Variants in SFMBT2 observed in about 807,000 individuals in gnomAD.
The protein encoded by SFMBT2 is Scm like with four mbt domains 2.
A neutral mutation model predicts 110.1 loss-of-function variants in SFMBT2; 38 were observed. The observed-to-expected ratio is 0.35, with a 90% CI of 0.27 to 0.45. The LOEUF (loss-of-function observed/expected upper bound fraction) is 0.45. Among genes scored for constraint, SFMBT2 ranks in the 20% least tolerant of loss-of-function variants. The pLI, the probability that SFMBT2 is intolerant of heterozygous loss-of-function variation, is 1.00. For missense variants in SFMBT2, 1,011 were observed against 1,094.9 expected (o/e 0.92, Z 1.08); for synonymous variants, 425 against 425.4 (o/e 1.00, Z 0.01).
chr10:7,336,191 C>T (rs7909734), intron 4 of SFMBT2, among the ~76,000 whole-genome samples: 31,270 of 152,134 alleles, frequency 0.21, 3,582 homozygotes, highest in East Asian at 0.32. Flanking sequence ...TACTTTCCTG[C>T]ATAATTATGT....
intron 16 of SFMBT2, among the ~76,000 whole-genome samples, chr10:7,180,641 C>A (rs973034399): frequency 3.3e-5 from 5 of 152,142 alleles, no homozygotes; most frequent in African/African-American, 1.2e-4. Context: ...CACTGCCTTC[C>A]CCTCCCTTCC....
chr10:7,230,009 G>A (rs534168853), intron 9 of SFMBT2, among the ~76,000 whole-genome samples: 67 of 117,656 alleles, frequency 5.7e-4, no homozygotes, highest in African/African-American at 2.2e-3. Flanking sequence ...GAGCCACCCC[G>A]CCCAGCCCTA....
chr10:7,233,930 A>T (rs1840181455), intron 9 of SFMBT2, among the ~76,000 whole-genome samples: 1 of 152,226 alleles, frequency 6.6e-6, no homozygotes, highest in Non-Finnish European at 1.5e-5. Flanking sequence ...CCAGAAAACA[A>T]CTTTCTCAAC....
chr10:7,226,177 C>T (rs939664200), intron 10 of SFMBT2, among the ~76,000 whole-genome samples: 7 of 152,208 alleles, frequency 4.6e-5, no homozygotes, highest in Non-Finnish European at 1.0e-4. Flanking sequence ...GACTGCTCCC[C>T]GGATCATGCA....
chr10:7,183,274 C>G (rs1838296234), intron 16 of SFMBT2, among the ~76,000 whole-genome samples: 1 of 152,200 alleles, frequency 6.6e-6, no homozygotes, highest in South Asian at 2.1e-4. Context: ...CCCAGCACCT[C>G]TGCATCACTC....
chr10:7,188,539 G>A, intron 16 of SFMBT2, 85 bp downstream of exon 16: 2 of 1,012,072 alleles, frequency 2.0e-6, no homozygotes, highest in South Asian at 1.5e-5. Context: ...TCTCAGGGCT[G>A]TGTCACAAAG....
intron 6 of SFMBT2, among the ~76,000 whole-genome samples, chr10:7,278,097 A>G (rs1016787618): frequency 6.6e-6 from 1 of 152,162 alleles, no homozygotes; most frequent in African/African-American, 2.4e-5. Context: ...ACAACCACAC[A>G]TCCTCTGCGT....
intron 2 of SFMBT2, among the ~76,000 whole-genome samples, chr10:7,376,634 G>A (rs1228021651): frequency 7.7e-6 from 1 of 129,062 alleles, no homozygotes; most frequent in Admixed American, 9.3e-5. Context: ...GAGAGGAGGA[G>A]CTTAAAGTGA....
At chr10:7,362,039 T>C (rs1564458434) in intron 4 of SFMBT2, among the ~76,000 whole-genome samples, 2 of 152,208 alleles carry the variant, frequency 1.3e-5, no homozygotes, top group Admixed American at 6.5e-5. Flanking sequence ...CTTGCAAGCA[T>C]TGCATGCGCT....
chr10:7,251,546 T>A (rs1339328769), intron 7 of SFMBT2, among the ~76,000 whole-genome samples: 2 of 152,162 alleles, frequency 1.3e-5, no homozygotes, highest in Non-Finnish European at 2.9e-5. Context: ...CGATCACAGC[T>A]TTTGCAGGTA....
intron 4 of SFMBT2, among the ~76,000 whole-genome samples, chr10:7,346,199 G>A (rs1257699958): frequency 6.6e-6 from 1 of 152,166 alleles, no homozygotes; most frequent in Non-Finnish European, 1.5e-5. Context: ...CTTGTGCAAA[G>A]TGATTGAATC....
intron 4 of SFMBT2, among the ~76,000 whole-genome samples, chr10:7,335,469 C>G (rs1810597341): frequency 6.6e-6 from 1 of 152,128 alleles, no homozygotes; most frequent in Middle Eastern, 3.4e-3. Context: ...TGGAGTAAGC[C>G]TGCACCCCCG....
intron 4 of SFMBT2, among the ~76,000 whole-genome samples, chr10:7,359,571 A>G (rs1844648039): frequency 6.6e-6 from 1 of 152,238 alleles, no homozygotes; most frequent in Non-Finnish European, 1.5e-5. Context: ...GACTAGCACT[A>G]AAAAGGAAAA....
chr10:7,303,318 T>C (rs756200606), intron 4 of SFMBT2, among the ~76,000 whole-genome samples: 12 of 152,246 alleles, frequency 7.9e-5, no homozygotes, highest in Non-Finnish European at 1.5e-4. Context: ...TTAGATGAAA[T>C]TTATAGTTGT....
In SFMBT2 at chr10:7,392,666, A is replaced by G. The variant is rs143885247; in HGVS notation, c.-51-10717T>C. Among the ~76,000 whole-genome samples, 107 of 152,178 alleles carry G rather than the reference A, an allele frequency of 7.0e-4. No homozygotes were observed. The Middle Eastern group carries it at 0.01, about 15-fold the overall frequency. On this transcript the variant is annotated intron_variant, in intron 1 of 20. Coordinates refer to ENST00000397167, the MANE Select transcript of SFMBT2 (RefSeq NM_001387889.1). ...TTTATCTCACAAAACTATTGCAAAT[A>G]TTTTTCCCAGTCTACCTTTTCGTGG...
chr10:7,246,392 C>CTATTTAAAGGCATAAGAAT (rs562798691), intron 8 of SFMBT2, among the ~76,000 whole-genome samples: 2,411 of 152,194 alleles, frequency 0.016, 33 homozygotes, highest in Admixed American at 0.021. Context: ...CATATTACAA[C>CTATTTAAAGGCATAAGAAT]TATTTAAAGG....
chr10:7,396,746 A>G (rs1845936054), intron 1 of SFMBT2, among the ~76,000 whole-genome samples: 2 of 151,982 alleles, frequency 1.3e-5, no homozygotes, highest in South Asian at 4.2e-4. Flanking sequence ...TGTCCTTTGT[A>G]GGGACATGGA....
intron 4 of SFMBT2, among the ~76,000 whole-genome samples, chr10:7,346,204 T>C (rs544406690): frequency 6.6e-6 from 1 of 152,222 alleles, no homozygotes; most frequent in African/African-American, 2.4e-5. Flanking sequence ...GCAAAGTGAT[T>C]GAATCGAAAC....
intron 9 of SFMBT2, among the ~76,000 whole-genome samples, chr10:7,236,596 A>G (rs1467527890): frequency 6.6e-6 from 1 of 152,230 alleles, no homozygotes; most frequent in African/African-American, 2.4e-5. Flanking sequence ...CTTCAATTCA[A>G]TTCAAGCAAG....
Sources: allele counts gnomAD v4.1 joint callset (sites outside exome capture counted in the v4.1 genomes callset), GRCh38; gene constraint gnomAD v4.1.1; transcripts MANE v1.5; gene names NCBI Gene and HGNC (gene_info 2026-07-23, HGNC 2026-07-21).